ENOX1: variants seen among roughly 807,000 people sequenced by gnomAD.
The protein encoded by ENOX1 is ecto-NOX disulfide-thiol exchanger 1.
ENOX1 carries 42 observed loss-of-function variants against 82.5 expected under a neutral mutation model. The ratio of observed to expected loss-of-function variants is 0.51; its 90% CI spans 0.40 to 0.66. The LOEUF (loss-of-function observed/expected upper bound fraction) is 0.66, where lower values mean the gene tolerates loss of function less well. Ranked by LOEUF, ENOX1 falls within the 30% of genes least tolerant of loss-of-function variation. The pLI is 0.00. For missense variants in ENOX1, 608 were observed against 811.6 expected, an observed-to-expected ratio of 0.75 and a Z score of 3.05; for synonymous variants, 271 against 282.2, an observed-to-expected ratio of 0.96 and a Z score of 0.40.
chr13:43,481,180 A>T (rs2058493761), intron 3 of ENOX1, among the ~76,000 whole-genome samples: 1 of 152,098 alleles, frequency 6.6e-6, no homozygotes, highest in Admixed American at 6.6e-5. Context: ...GAAGCCTCAT[A>T]CTTCCCGATG....
chr13:43,781,595 C>T (rs1005531229), intron 1 of ENOX1, among the ~76,000 whole-genome samples: 2 of 151,970 alleles, frequency 1.3e-5, no homozygotes, highest in Non-Finnish European at 2.9e-5. Flanking sequence ...CTCACTGCAA[C>T]CTCTGCCTCC....
intron 2 of ENOX1, among the ~76,000 whole-genome samples, chr13:43,534,467 A>G (rs930276388): frequency 2.0e-5 from 3 of 151,874 alleles, no homozygotes; most frequent in African/African-American, 7.3e-5. Context: ...TGAAAAAAGG[A>G]AAAAAAACAA....
Position 43,483,775 on chromosome 13 carries a change from T to A in ENOX1, c.-75+234A>T, listed in dbSNP as rs146007005. On this transcript the variant is annotated intron_variant, in intron 3 of 16. Coordinates refer to ENST00000690772, the MANE Select transcript of ENOX1 (RefSeq NM_001347969.2). Reference sequence around the variant, plus strand: ...AAATAAAATTTGTTTTAAGTCAATGTGGGGTATATTTTATTTCTAATATCC... The same window carrying A: ...AAATAAAATTTGTTTTAAGTCAATGAGGGGTATATTTTATTTCTAATATCC... Among the ~76,000 whole-genome samples the A allele has an allele frequency of 7.0e-3, 1,067 of 152,314 alleles. 9 individuals are homozygous for A. Among genetic ancestry groups the A allele is most frequent in the African/African-American group, 0.024 (985 of 41,556 alleles).
intron 1 of ENOX1, among the ~76,000 whole-genome samples, chr13:43,707,997 C>T (rs944502600): frequency 1.3e-5 from 2 of 152,118 alleles, no homozygotes; most frequent in Admixed American, 1.3e-4. Context: ...CTAGACAGTT[C>T]TTAAACTGCC....
chr13:43,417,732 T>C (rs953057355), intron 3 of ENOX1, among the ~76,000 whole-genome samples: 4 of 152,222 alleles, frequency 2.6e-5, no homozygotes, highest in African/African-American at 9.6e-5. Flanking sequence ...TACTATTTTA[T>C]TTGGAAATGT....
At chr13:43,340,204 A>G (rs1230820962) in intron 9 of ENOX1, among the ~76,000 whole-genome samples, 2 of 152,244 alleles carry the variant, frequency 1.3e-5, no homozygotes, top group Non-Finnish European at 2.9e-5. Context: ...CTTTTTGTAA[A>G]AGCACATAGA....
chr13:43,711,387 G>C (rs947028860), intron 1 of ENOX1, among the ~76,000 whole-genome samples: 2 of 152,074 alleles, frequency 1.3e-5, no homozygotes, highest in Non-Finnish European at 2.9e-5. Flanking sequence ...ACATACGTGG[G>C]CATGTGTCTT....
intron 3 of ENOX1, among the ~76,000 whole-genome samples, chr13:43,421,973 G>A (rs1275234805): frequency 6.7e-6 from 1 of 150,288 alleles, no homozygotes; most frequent in Non-Finnish European, 1.5e-5. Flanking sequence ...AGGAAAAGAA[G>A]GAAATAATAA....
intron 9 of ENOX1, among the ~76,000 whole-genome samples, chr13:43,342,363 G>A (rs2049116634): frequency 6.6e-6 from 1 of 152,152 alleles, no homozygotes. Flanking sequence ...GGTGGTGGGA[G>A]ATGGCAGATA....
chr13:43,360,154 G>C (rs2153559546), intron 6 of ENOX1, 97 bp from the exon 7 acceptor site: 15 of 1,083,858 alleles, frequency 1.4e-5, no homozygotes, highest in Middle Eastern at 2.2e-4. Context: ...ACTTTCTCCA[G>C]ACTGAGTGAC....
At chr13:43,353,011 G>A (rs1290343687) in intron 8 of ENOX1, among the ~76,000 whole-genome samples, 1 of 152,220 alleles carries the variant, frequency 6.6e-6, no homozygotes, top group African/African-American at 2.4e-5. Context: ...GCAGGGGCTT[G>A]TTCACCGTTG....
At chr13:43,781,398 G>C (rs1243170099) in intron 1 of ENOX1, among the ~76,000 whole-genome samples, 2 of 152,152 alleles carry the variant, frequency 1.3e-5, no homozygotes, top group East Asian at 1.9e-4. Flanking sequence ...AAATTTTCCA[G>C]AGGGAGTAAT....
At chr13:43,224,520 T>G (rs1014339228) in intron 15 of ENOX1, among the ~76,000 whole-genome samples, 1 of 152,232 alleles carries the variant, frequency 6.6e-6, no homozygotes, top group African/African-American at 2.4e-5. Context: ...CTTTGCAGTA[T>G]GAAAATGGCT....
intron 16 of ENOX1, among the ~76,000 whole-genome samples, chr13:43,219,036 C>T (rs1031605522): frequency 2.6e-5 from 4 of 152,172 alleles, no homozygotes; most frequent in African/African-American, 9.7e-5. Flanking sequence ...ACCCAGACCT[C>T]ACTGGCTGAG....
At chr13:43,514,414 T>C (rs2077483435) in intron 2 of ENOX1, among the ~76,000 whole-genome samples, 1 of 152,184 alleles carries the variant, frequency 6.6e-6, no homozygotes, top group South Asian at 2.1e-4. Context: ...CTCTCCCTTA[T>C]TTTTTCTAAG....
chr13:43,748,840 A>T (rs566738571), intron 1 of ENOX1, among the ~76,000 whole-genome samples: 3 of 152,198 alleles, frequency 2.0e-5, no homozygotes, highest in Non-Finnish European at 2.9e-5. Flanking sequence ...ATTTCTTTAA[A>T]GTATTCTATA....
At chr13:43,352,660 C>G (rs545411292) in intron 8 of ENOX1, among the ~76,000 whole-genome samples, 1 of 152,316 alleles carries the variant, frequency 6.6e-6, no homozygotes, top group Admixed American at 6.5e-5. Flanking sequence ...TCTGTTTAAC[C>G]AGCAGGATGC....
intron 1 of ENOX1, among the ~76,000 whole-genome samples, chr13:43,668,661 T>A (rs904611614): frequency 2.0e-5 from 3 of 152,066 alleles, no homozygotes; most frequent in African/African-American, 7.2e-5. Context: ...AGCCCCAAAG[T>A]GGAAGGATAA....
At chr13:43,418,333 G>T (rs1234486086) in intron 3 of ENOX1, among the ~76,000 whole-genome samples, 3 of 152,304 alleles carry the variant, frequency 2.0e-5, no homozygotes, top group East Asian at 1.9e-4. Context: ...TTCGAGACTG[G>T]CCTGGCCAAC....
Sources: allele counts gnomAD v4.1 joint callset (sites outside exome capture counted in the v4.1 genomes callset), GRCh38; gene constraint gnomAD v4.1.1; transcripts MANE v1.5; gene names NCBI Gene and HGNC (gene_info 2026-07-23, HGNC 2026-07-21).